The following DNAH17 variants were observed in gnomAD, a reference collection of about 807,000 sequenced individuals.
DNAH17 encodes dynein axonemal heavy chain 17.
A neutral mutation model predicts 485.6 loss-of-function variants in DNAH17; 376 were observed. That is an observed-to-expected ratio of 0.77 (90% CI 0.71 to 0.84). DNAH17 has a LOEUF of 0.84. Among genes scored for constraint, DNAH17 ranks in the 40% least tolerant of loss-of-function variants. The pLI is 0.00. For missense variants in DNAH17, 6,370 were observed against 5,839.3 expected (o/e 1.09, Z -2.96); for synonymous variants, 3,031 against 2,405.9 (o/e 1.26, Z -7.60).
intron 25 of DNAH17, among the ~76,000 whole-genome samples, chr17:78,516,848 G>A (rs1191261465): frequency 6.6e-6 from 1 of 152,152 alleles, no homozygotes. Flanking sequence ...TAAGAAATAT[G>A]TAGACTTGGT....
At chr17:78,503,241 A>G (rs553266414) in intron 31 of DNAH17, among the ~76,000 whole-genome samples, 14 of 127,252 alleles carry the variant, frequency 1.1e-4, no homozygotes, top group Admixed American at 5.1e-4. Flanking sequence ...GTGCAGTGGC[A>G]TGATCTCGGC....
In DNAH17 at chr17:78,425,231, T is replaced by G. The variant is rs374009689; in HGVS notation, c.13141+115A>C. 1.7e-5 allele frequency: 18 copies of G among 1,054,774 alleles called. 1 individual carries two copies. Among genetic ancestry groups the G allele is most frequent in the East Asian group, 1.2e-4 (5 of 41,710 alleles). The allele number at this position is 1,054,774 out of a possible 1,614,324, so 65.3% of individuals were successfully genotyped here. On this transcript the variant is annotated intron_variant, in intron 80 of 80. Coordinates refer to ENST00000389840, the MANE Select transcript of DNAH17 (RefSeq NM_173628.4). ...ATGCCCCCTGAGAGCACCTCTCTCC[T>G]GCCTGTCCCCACAGCTCTTGAACAG...
chr17:78,509,448 A>G (rs1420548360), intron 27 of DNAH17, among the ~76,000 whole-genome samples: 1 of 152,160 alleles, frequency 6.6e-6, no homozygotes, highest in Non-Finnish European at 1.5e-5. Flanking sequence ...CACACTTGTA[A>G]CTATGCTAAA....
intron 62 of DNAH17, 53 bp from the exon 63 acceptor site, chr17:78,455,889 A>C (rs1598478739): frequency 6.9e-7 from 1 of 1,446,646 alleles, no homozygotes; most frequent in Non-Finnish European, 9.2e-7. Flanking sequence ...AGGGGACTGG[A>C]CCAGACAAGC....
At chr17:78,515,058 C>T (rs778580009) in intron 25 of DNAH17, 36 bp from the exon 26 acceptor site, 1 of 1,607,660 alleles carries the variant, frequency 6.2e-7, no homozygotes, top group South Asian at 1.1e-5. Flanking sequence ...CTTCCACTCT[C>T]ATCAAGGAGA....
chr17:78,472,730 C>G (rs1385329368), intron 54 of DNAH17: 2 of 454,734 alleles, frequency 4.4e-6, no homozygotes, highest in Non-Finnish European at 8.8e-6. Context: ...GCAGGCACAG[C>G]CCTCGCTGGC....
At chr17:78,549,419 C>T (rs145987079) in intron 16 of DNAH17, among the ~76,000 whole-genome samples, 28 of 152,264 alleles carry the variant, frequency 1.8e-4, no homozygotes, top group African/African-American at 6.7e-4. Context: ...AAGTGTTTGC[C>T]TTCCCTCCTC....
chr17:78,442,367 C>G (rs1490717792), intron 71 of DNAH17, among the ~76,000 whole-genome samples: 2 of 152,214 alleles, frequency 1.3e-5, no homozygotes, highest in Non-Finnish European at 2.9e-5. Context: ...CTGGCCTTTG[C>G]TGGCTTGTCT....
intron 11 of DNAH17, among the ~76,000 whole-genome samples, chr17:78,562,593 G>A (rs1359349223): frequency 6.6e-6 from 1 of 152,130 alleles, no homozygotes; most frequent in Non-Finnish European, 1.5e-5. Context: ...CTGCACCCCA[G>A]CCTGGGCAAC....
chr17:78,507,641 G>A lies in DNAH17; in HGVS notation c.4401C>T (p.His1467=). The change falls in exon 28 of 81, where the codon CAC becomes CAT. Residue 1467 remains histidine (H), a synonymous_variant. Coordinates refer to ENST00000389840, the MANE Select transcript of DNAH17 (RefSeq NM_173628.4). The part of the protein sequence containing the change: ...QNLMMSKYLA[H]FLKEVTSWQQ... Reference sequence around the variant, plus strand: ...GCCAGCTTGTCACCTCCTTCAGGAAGTGGGCCAGGTACTTGGACATCATCA... The same window carrying A: ...GCCAGCTTGTCACCTCCTTCAGGAAATGGGCCAGGTACTTGGACATCATCA... The A allele has an allele frequency of 3.1e-6, 5 of 1,614,052 alleles. No individual in the cohort carries two copies. Among genetic ancestry groups the A allele is most frequent in the Non-Finnish European group, 3.4e-6 (4 of 1,180,020 alleles).
intron 25 of DNAH17, among the ~76,000 whole-genome samples, chr17:78,518,167 G>A (rs1289174228): frequency 6.6e-6 from 1 of 152,142 alleles, no homozygotes; most frequent in African/African-American, 2.4e-5. Context: ...AATGCAAAAT[G>A]GTCTAAACAG....
At chr17:78,470,275 C>T (rs183563947) in intron 54 of DNAH17, among the ~76,000 whole-genome samples, 2 of 151,002 alleles carry the variant, frequency 1.3e-5, no homozygotes, top group East Asian at 4.0e-4. Flanking sequence ...ACCATGTTGG[C>T]CAGGCTGGTC....
intron 68 of DNAH17, chr17:78,450,050 A>G (rs1598467812): frequency 8.2e-6 from 5 of 608,678 alleles, no homozygotes; most frequent in Non-Finnish European, 1.4e-5. Context: ...AGCAGCTCAT[A>G]CCCTCTCCTG....
At chr17:78,436,335 GCAGAATCACTTGAACC>G (rs2086849935) in intron 74 of DNAH17, among the ~76,000 whole-genome samples, 1 of 152,090 alleles carries the variant, frequency 6.6e-6, no homozygotes, top group African/African-American at 2.4e-5. Flanking sequence ...GCCTGAGGCA[GCAGAATCACTTGAACC>G]CAGGAGGCAG....
chr17:78,437,908 G>A, intron 73 of DNAH17, 40 bp from the exon 74 acceptor site: 1 of 1,503,442 alleles, frequency 6.7e-7, no homozygotes, highest in Non-Finnish European at 9.1e-7. Flanking sequence ...ACTTTGCCCA[G>A]CTCCTGGCCC....
chr17:78,428,746 T>C, intron 76 of DNAH17, 39 bp from the exon 77 acceptor site: 1 of 1,609,610 alleles, frequency 6.2e-7, no homozygotes, highest in Non-Finnish European at 8.5e-7. Context: ...GGCAAAGCTG[T>C]GCAGGCTGAA....
Position 78,490,740 on chromosome 17 carries a change from G to C in DNAH17, c.6777C>G (p.Ala2259=). The stretch of plus-strand genomic sequence containing the variant: ...CGGCTGGGTTGATGTAGAGGATGCC[G>C]GCTCTGGAAACGGTGGCTGGGGTGG... ...RTATPATVSR[A]GILYINPADL... Residue 2259 remains alanine (A), a synonymous_variant, in exon 44 of 81, where the codon GCC becomes GCG. Coordinates refer to ENST00000389840, the MANE Select transcript of DNAH17 (RefSeq NM_173628.4). The C allele has an allele frequency of 6.2e-7, 1 of 1,607,352 alleles. No individual in the cohort carries two copies.
intron 26 of DNAH17, among the ~76,000 whole-genome samples, chr17:78,512,959 A>G: frequency 6.6e-6 from 1 of 150,750 alleles, no homozygotes; most frequent in East Asian, 1.9e-4. Context: ...AAAAAAAAAA[A>G]AAAAAGAATT....
chr17:78,425,482 G>C lies in DNAH17; in HGVS notation c.13005C>G (p.Ile4335Met), dbSNP rs558686860. Reference sequence around the variant, plus strand: ...CGTTCTTCCTGGCCATGGACTGCATGATGGCCGTGAGGAACGACTGGGGGT... The same window carrying C: ...CGTTCTTCCTGGCCATGGACTGCATCATGGCCGTGAGGAACGACTGGGGGT... ...FFNPQSFLTA[I>M]MQSMARKNEW... The change falls in exon 80 of 81, where the codon ATC becomes ATG. Residue 4335 changes from isoleucine (I) to methionine (M), a missense_variant. By Grantham distance (10) the Ile-to-Met change is conservative (BLOSUM62 1). Transcript: ENST00000389840. The C allele has an allele frequency of 1.7e-5, 28 of 1,613,940 alleles. No individual in the cohort carries two copies. The highest frequency in any genetic ancestry group is 1.6e-4 in the Middle Eastern group (1 of 6,062).
Sources: gnomAD v4.1 joint callset for allele counts (sites outside exome capture counted in the v4.1 genomes callset) on GRCh38, gnomAD v4.1.1 for gene constraint, MANE v1.5 for transcripts, NCBI Gene and HGNC (gene_info 2026-07-23, HGNC 2026-07-21) for gene names.